Variants in FNDC3A observed in about 807,000 individuals in gnomAD.
The protein encoded by FNDC3A is fibronectin type-III domain-containing protein 3A.
In FNDC3A, 32 loss-of-function variants were observed where a neutral mutation model predicts 148.9. The observed-to-expected ratio is 0.21, with a 90% CI of 0.16 to 0.29. FNDC3A has a LOEUF of 0.29. Ranked by LOEUF, FNDC3A falls within the 10% of genes least tolerant of loss-of-function variation. The pLI is 1.00. For missense variants in FNDC3A, 1,191 were observed against 1,452.8 expected (o/e 0.82, Z 2.93); for synonymous variants, 472 against 473.6 (o/e 1.00, Z 0.04).
chr13:49,022,602 C>T (rs1873407554), intron 2 of FNDC3A, among the ~76,000 whole-genome samples: 1 of 152,040 alleles, frequency 6.6e-6, no homozygotes, highest in Non-Finnish European at 1.5e-5. Flanking sequence ...AAAGCTTATA[C>T]TTTTGTGACA....
At chr13:49,055,857 A>G (rs1297268926) in intron 2 of FNDC3A, among the ~76,000 whole-genome samples, 1 of 152,098 alleles carries the variant, frequency 6.6e-6, no homozygotes, top group African/African-American at 2.4e-5. Context: ...ATGGGCCACT[A>G]GTTACTCATA....
intron 3 of FNDC3A, among the ~76,000 whole-genome samples, chr13:49,102,671 G>T (rs528341605): frequency 7.0e-4 from 107 of 152,236 alleles, no homozygotes; most frequent in African/African-American, 2.5e-3. Context: ...GTTCCCTAAA[G>T]ACCTCATTAA....
rs1292268016 is a variant in FNDC3A at position 49,167,099 on chromosome 13, T to C, written c.978-145T>C. The C allele has an allele frequency of 6.1e-6, 3 of 492,092 alleles. No individual in the cohort carries two copies. In the Admixed American group the frequency reaches 1.2e-4, roughly 19 times the overall value. 30.5% of individuals were successfully genotyped at this position (492,092 alleles called of 1,614,324 possible). A position where few individuals can be genotyped will look rare whatever the true frequency, so the allele number is the denominator to read the frequency against. The stretch of plus-strand genomic sequence containing the variant: ...TTGTTACATATCCTAACTGCCAAAT[T>C]CCATATTAGTGGAATCTGAATACAG... On this transcript the variant is annotated intron_variant, in intron 8 of 25. Transcript: ENST00000492622.
At chr13:49,052,303 G>A (rs1423615092) in intron 2 of FNDC3A, among the ~76,000 whole-genome samples, 1 of 152,170 alleles carries the variant, frequency 6.6e-6, no homozygotes, top group Non-Finnish European at 1.5e-5. Context: ...TCCCATTGGG[G>A]TAGACTATGT....
chr13:49,047,166 T>C (rs1875483078), intron 2 of FNDC3A, among the ~76,000 whole-genome samples: 1 of 152,094 alleles, frequency 6.6e-6, no homozygotes, highest in Non-Finnish European at 1.5e-5. Context: ...TTTTAATGCC[T>C]GAGTAGTATT....
At chr13:49,005,638 C>G (rs1018655027) in intron 1 of FNDC3A, among the ~76,000 whole-genome samples, 4 of 151,754 alleles carry the variant, frequency 2.6e-5, no homozygotes, top group African/African-American at 9.7e-5. Flanking sequence ...AATTTTTTTA[C>G]CATTGTGTTT....
chr13:49,199,855 T>C (rs1319555274), intron 23 of FNDC3A, among the ~76,000 whole-genome samples: 8 of 152,220 alleles, frequency 5.3e-5, no homozygotes. Context: ...AGAAAGAACC[T>C]AATTTCATTC....
intron 1 of FNDC3A, among the ~76,000 whole-genome samples, chr13:49,004,869 A>G (rs1371407872): frequency 6.6e-6 from 1 of 151,952 alleles, no homozygotes; most frequent in Non-Finnish European, 1.5e-5. Flanking sequence ...AGTGGGAGAA[A>G]TAATACATTT....
intron 1 of FNDC3A, among the ~76,000 whole-genome samples, chr13:48,989,677 CCAATAAGCA>C (rs1445713181): frequency 1.3e-5 from 2 of 151,654 alleles, no homozygotes; most frequent in Non-Finnish European, 2.9e-5. Flanking sequence ...AAACTATAAA[CCAATAAGCA>C]CAATAAGCAT....
chr13:49,008,810 T>C (rs879678137), intron 2 of FNDC3A, among the ~76,000 whole-genome samples: 4 of 152,188 alleles, frequency 2.6e-5, no homozygotes, highest in Non-Finnish European at 5.9e-5. Flanking sequence ...TTTGTGGTTA[T>C]GGAATCTGCC....
chr13:49,164,447 C>G (rs1385137393), intron 8 of FNDC3A, among the ~76,000 whole-genome samples: 2 of 152,140 alleles, frequency 1.3e-5, no homozygotes, highest in African/African-American at 4.8e-5. Context: ...ATATCTAAAT[C>G]TCTTGCTAGA....
intron 2 of FNDC3A, among the ~76,000 whole-genome samples, chr13:49,019,391 T>C (rs187493072): frequency 6.6e-6 from 1 of 152,320 alleles, no homozygotes; most frequent in African/African-American, 2.4e-5. Flanking sequence ...ACCCCTTTCT[T>C]TGACTAGGAA....
chr13:49,024,539 G>A (rs1011477978), intron 2 of FNDC3A, among the ~76,000 whole-genome samples: 1 of 151,920 alleles, frequency 6.6e-6, no homozygotes, highest in Admixed American at 6.6e-5. Context: ...CCATGATCAA[G>A]TGAGATTTAT....
At chr13:49,034,883 T>A (rs1290251430) in intron 2 of FNDC3A, among the ~76,000 whole-genome samples, 1 of 152,010 alleles carries the variant, frequency 6.6e-6, no homozygotes, top group African/African-American at 2.4e-5. Context: ...TGAAAGTGCT[T>A]GATTAACAAT....
intron 1 of FNDC3A, chr13:48,976,536 T>G (rs1035372602): frequency 6.6e-6 from 1 of 152,392 alleles, no homozygotes; most frequent in South Asian, 2.1e-4. Flanking sequence ...CCCTTCTCTC[T>G]GTCCCCCGCC....
Position 49,191,092 on chromosome 13 carries a change from C to CTGT in FNDC3A, c.2022_2023insTGT (p.Pro674_Lys675insCys), listed in dbSNP as rs1181376315. The CTGT allele has an allele frequency of 6.2e-7, 1 of 1,613,526 alleles. No homozygotes were observed. Among genetic ancestry groups the CTGT allele is most frequent in the Admixed American group, 1.7e-5 (1 of 59,934 alleles). On this transcript the variant is annotated inframe_insertion, in exon 18 of 26. Coordinates refer to ENST00000492622, the MANE Select transcript of FNDC3A (RefSeq NM_001079673.2). ...TCCCTCCCAGATTACAGGGTAGACCCAAAGCAAAAGAAATACAGTTACGAT... is the reference window on the plus strand; with the variant it reads ...TCCCTCCCAGATTACAGGGTAGACCCTGTAAAGCAAAAGAAATACAGTTACGAT...
At chr13:49,190,547 G>A (rs1236761979) in intron 17 of FNDC3A, among the ~76,000 whole-genome samples, 3 of 152,098 alleles carry the variant, frequency 2.0e-5, no homozygotes, top group African/African-American at 7.2e-5. Context: ...CAGTGTTTAG[G>A]TTAAAAATAC....
intron 3 of FNDC3A, among the ~76,000 whole-genome samples, chr13:49,114,174 T>C (rs1880767163): frequency 6.6e-6 from 1 of 152,198 alleles, no homozygotes; most frequent in Non-Finnish European, 1.5e-5. Flanking sequence ...TCTTGCTGCT[T>C]TTCACTCTTG....
At chr13:49,125,233 TCC>T (rs1270724689) in intron 4 of FNDC3A, among the ~76,000 whole-genome samples, 1 of 152,188 alleles carries the variant, frequency 6.6e-6, no homozygotes, top group Non-Finnish European at 1.5e-5. Flanking sequence ...CTTGCTGCTC[TCC>T]TGGGGACAAC....
Sources: gnomAD v4.1 joint callset for allele counts (sites outside exome capture counted in the v4.1 genomes callset) on GRCh38, gnomAD v4.1.1 for gene constraint, MANE v1.5 for transcripts, NCBI Gene and HGNC (gene_info 2026-07-23, HGNC 2026-07-21) for gene names.